The following CUX1 variants were observed in gnomAD, a reference collection of about 807,000 sequenced individuals.
The protein encoded by CUX1 is protein CASP.
Under a neutral mutation model 158.8 loss-of-function variants are expected in CUX1, and 31 were observed. The observed-to-expected ratio is 0.20, with a 90% CI of 0.15 to 0.26. The LOEUF (loss-of-function observed/expected upper bound fraction) is 0.26, where lower values mean the gene tolerates loss of function less well. Ranked by LOEUF, CUX1 falls within the 10% of genes least tolerant of loss-of-function variation. CUX1 has a pLI of 1.00. For missense variants in CUX1, 1,589 were observed against 2,014.6 expected, an observed-to-expected ratio of 0.79 and a Z score of 4.04; for synonymous variants, 879 against 862.1, an observed-to-expected ratio of 1.02 and a Z score of -0.34.
chr7:101,962,843 C>T (rs1242624162), intron 2 of CUX1, among the ~76,000 whole-genome samples: 1 of 152,132 alleles, frequency 6.6e-6, no homozygotes, highest in Non-Finnish European at 1.5e-5. Flanking sequence ...ACCTCAGCCT[C>T]CTGAGTAGCT....
chr7:102,218,202 C>T (rs1176522241), intron 20 of CUX1, among the ~76,000 whole-genome samples: 16 of 152,208 alleles, frequency 1.1e-4, no homozygotes, highest in Non-Finnish European at 1.5e-5. Context: ...ACTTCGGCCT[C>T]CCGCTTTGGT....
rs1180753220 is a variant in CUX1 at position 102,075,126 on chromosome 7, T to C, written c.268+4709T>C. Among the ~76,000 whole-genome samples the C allele has an allele frequency of 7.9e-5, 12 of 152,204 alleles. No individual in the cohort carries two copies. In the East Asian group the frequency reaches 2.3e-3, roughly 29 times the overall value. On this transcript the variant is annotated intron_variant, in intron 4 of 23. Transcript: ENST00000292535. The stretch of plus-strand genomic sequence containing the variant: ...CGCCCCCCTCAGCCTCCAAAAGTGC[T>C]GGGATTACAGGCGTGAGCACCATGC...
chr7:102,118,345 C>T (rs781904088), intron 8 of CUX1, among the ~76,000 whole-genome samples: 55 of 152,218 alleles, frequency 3.6e-4, no homozygotes, highest in Admixed American at 7.2e-4. Context: ...CAAGACCAGC[C>T]TGGGCAACAT....
At chr7:101,889,073 C>A (rs910064616) in intron 1 of CUX1, among the ~76,000 whole-genome samples, 19 of 151,690 alleles carry the variant, frequency 1.3e-4, no homozygotes, top group Admixed American at 1.1e-3. Context: ...CAAGACCAGC[C>A]TGGGCAACAT....
At chr7:102,195,691 A>G (rs1794732753) in intron 14 of CUX1, 88 bp downstream of exon 14, 1 of 1,203,734 alleles carries the variant, frequency 8.3e-7, no homozygotes, top group Non-Finnish European at 1.2e-6. Context: ...GTGAGTCTGG[A>G]CAGATGCATG....
intron 7 of CUX1, among the ~76,000 whole-genome samples, chr7:102,112,241 TC>T (rs199954670): frequency 0.25 from 30,402 of 119,740 alleles, 4,080 homozygotes; most frequent in Non-Finnish European, 0.3. Context: ...TTTCTCTCTC[TC>T]TTTTTTTTTT....
chr7:102,263,817 C>T (rs1004225538), intron 14 of CUX1, among the ~76,000 whole-genome samples: 6 of 151,548 alleles, frequency 4.0e-5, no homozygotes, highest in East Asian at 1.9e-4. Flanking sequence ...CCCAGCCTTC[C>T]GAGTAGCTGG....
chr7:102,194,595 C>G (rs933303349), intron 13 of CUX1, among the ~76,000 whole-genome samples: 6 of 150,546 alleles, frequency 4.0e-5, no homozygotes, highest in Non-Finnish European at 7.4e-5. Context: ...TTGAGACTGA[C>G]TATTTTTTTT....
intron 8 of CUX1, among the ~76,000 whole-genome samples, chr7:102,134,251 C>G (rs544568037): frequency 6.6e-5 from 10 of 152,108 alleles, no homozygotes; most frequent in African/African-American, 2.4e-4. Flanking sequence ...GCAGGAGAAT[C>G]GCTTGAACCC....
At chr7:101,821,848 TG>T (rs1562885188) in intron 1 of CUX1, among the ~76,000 whole-genome samples, 18 of 116,154 alleles carry the variant, frequency 1.5e-4, no homozygotes, top group African/African-American at 5.6e-4. Context: ...CTAGTTTTTT[TG>T]TTTTTTTGTT....
intron 2 of CUX1, among the ~76,000 whole-genome samples, chr7:101,918,367 T>C (rs1804490460): frequency 1.3e-5 from 2 of 152,222 alleles, no homozygotes; most frequent in African/African-American, 2.4e-5. Context: ...TGGAAGAGGC[T>C]TGGGGAGGCG....
At position 101,956,687 on chromosome 7, in the gene CUX1, C is replaced by T. The variant is rs193240751; in HGVS notation, c.141+40462C>T. On this transcript the variant is annotated intron_variant, in intron 2 of 23. Transcript: ENST00000292535. ...GCCGCCTGGGCACAGTGGCTCACGC[C>T]TATAATCCCAGCACTTTGGGAGGCC... Among the ~76,000 whole-genome samples, 78 of 152,384 alleles carry T rather than the reference C, an allele frequency of 5.1e-4. No individual in the cohort carries two copies. In the East Asian group the frequency reaches 0.014, roughly 28 times the overall value.
At chr7:101,851,131 A>G (rs1261392719) in intron 1 of CUX1, among the ~76,000 whole-genome samples, 1 of 152,086 alleles carries the variant, frequency 6.6e-6, no homozygotes, top group Non-Finnish European at 1.5e-5. Flanking sequence ...AAATAAATAC[A>G]TTTTTAAAAG....
intron 7 of CUX1, among the ~76,000 whole-genome samples, chr7:102,113,292 G>A (rs1035135969): frequency 2.5e-4 from 38 of 151,910 alleles, no homozygotes; most frequent in Admixed American, 3.3e-4. Context: ...AGGCTGGAGT[G>A]AAGTGGCACA....
chr7:101,937,657 C>T (rs950402428), intron 2 of CUX1, among the ~76,000 whole-genome samples: 14 of 151,980 alleles, frequency 9.2e-5, no homozygotes, highest in East Asian at 3.9e-4. Flanking sequence ...ACTACAGGTA[C>T]GTGCCACCAT....
chr7:102,246,674 A>AT (rs1277769119), intron 23 of CUX1, among the ~76,000 whole-genome samples: 3 of 151,726 alleles, frequency 2.0e-5, no homozygotes, highest in Non-Finnish European at 4.4e-5. Flanking sequence ...GGTTCAAGAG[A>AT]TTCTCCTGCC....
intron 14 of CUX1, chr7:102,264,774 A>C (rs1563516226): frequency 6.6e-6 from 1 of 152,538 alleles, no homozygotes; most frequent in African/African-American, 2.4e-5. Flanking sequence ...TTTCTTCCAC[A>C]TTGAACTTGG....
rs781847864 is a variant in CUX1, at chr7:102,104,466, A to C, written c.530+7A>C. On this transcript the variant is annotated splice_region_variant and intron_variant, in intron 6 of 23. Coordinates refer to ENST00000292535, the MANE Select transcript of CUX1 (RefSeq NM_181552.4). Reference sequence around the variant, plus strand: ...ACTTTGCAGAAAAGGAGAGGTGAGCATGACTTCCAGGCACACACAGACTGA... The same window carrying C: ...ACTTTGCAGAAAAGGAGAGGTGAGCCTGACTTCCAGGCACACACAGACTGA... 6.2e-7 allele frequency: 1 copy of C among 1,612,720 alleles called. No individual in the cohort carries two copies. Among genetic ancestry groups the C allele is most frequent in the African/African-American group, 1.3e-5 (1 of 75,016 alleles).
intron 20 of CUX1, among the ~76,000 whole-genome samples, chr7:102,206,259 A>G (rs1795935744): frequency 6.6e-6 from 1 of 151,884 alleles, no homozygotes; most frequent in Non-Finnish European, 1.5e-5. Flanking sequence ...ACTCTGACCA[A>G]CGTGGGGGTC....
Sources: gnomAD v4.1 joint callset for allele counts (sites outside exome capture counted in the v4.1 genomes callset) on GRCh38, gnomAD v4.1.1 for gene constraint, MANE v1.5 for transcripts, NCBI Gene and HGNC (gene_info 2026-07-23, HGNC 2026-07-21) for gene names.